EXOC4: variants seen among roughly 807,000 people sequenced by gnomAD.
EXOC4 encodes the protein SEC8-like 1.
In EXOC4, 71 loss-of-function variants were observed where a neutral mutation model predicts 107.2. The ratio of observed to expected loss-of-function variants is 0.66; its 90% confidence interval spans 0.55 to 0.81. The LOEUF (loss-of-function observed/expected upper bound fraction) is 0.81. EXOC4 is among the 30% of genes least tolerant of loss of function. The pLI, the probability that EXOC4 is intolerant of heterozygous loss-of-function variation, is 0.00. For missense variants in EXOC4, 1,108 were observed against 1,189.6 expected (o/e 0.93, Z 1.01); for synonymous variants, 456 against 441.2 (o/e 1.03, Z -0.42).
At chr7:133,313,146 T>G (rs1293306463) in intron 4 of EXOC4, among the ~76,000 whole-genome samples, 1 of 151,578 alleles carries the variant, frequency 6.6e-6, no homozygotes, top group Admixed American at 6.6e-5. Flanking sequence ...GTTCTTGTTT[T>G]TTTTTTTTTT....
At chr7:133,330,386 C>T (rs1011864212) in intron 5 of EXOC4, among the ~76,000 whole-genome samples, 1 of 151,960 alleles carries the variant, frequency 6.6e-6, no homozygotes, top group African/African-American at 2.4e-5. Context: ...ACCCACTGAG[C>T]CAGAACTTCG....
intron 10 of EXOC4, among the ~76,000 whole-genome samples, chr7:133,717,662 A>G (rs1426731297): frequency 6.6e-6 from 1 of 152,212 alleles, no homozygotes; most frequent in Non-Finnish European, 1.5e-5. Flanking sequence ...CATGTGAAGG[A>G]TAGAATATAC....
chr7:133,555,958 G>A (rs763832099), intron 9 of EXOC4, among the ~76,000 whole-genome samples: 12 of 152,110 alleles, frequency 7.9e-5, no homozygotes, highest in Admixed American at 1.3e-4. Context: ...TAGTTAAGTT[G>A]TTGCAGTGCA....
intron 11 of EXOC4, among the ~76,000 whole-genome samples, chr7:133,855,091 A>AT (rs1491371358): frequency 4.1e-4 from 35 of 84,838 alleles, no homozygotes; most frequent in African/African-American, 1.0e-3. Context: ...AAATATATAT[A>AT]AATATATATA....
At chr7:134,096,265 G>T in the EXOC4 span, among the ~76,000 whole-genome samples, 2 of 152,160 alleles carry the variant, frequency 1.3e-5, no homozygotes, top group Admixed American at 1.3e-4. Flanking sequence ...CATAGGAAGA[G>T]TAGCCCACAA....
chr7:134,076,855 A>G, the EXOC4 span, among the ~76,000 whole-genome samples: 1 of 152,082 alleles, frequency 6.6e-6, no homozygotes, highest in Non-Finnish European at 1.5e-5. Flanking sequence ...CAATGGTTGG[A>G]CGTAAAATTT....
chr7:133,698,214 G>T (rs985811131), intron 10 of EXOC4, among the ~76,000 whole-genome samples: 1 of 152,028 alleles, frequency 6.6e-6, no homozygotes, highest in Non-Finnish European at 1.5e-5. Flanking sequence ...GGCGGGGGTG[G>T]TGGTGGGGGA....
chr7:133,808,903 C>A (rs1354438422), intron 10 of EXOC4, among the ~76,000 whole-genome samples: 2 of 152,036 alleles, frequency 1.3e-5, no homozygotes, highest in African/African-American at 4.8e-5. Context: ...TGCTGTTTGC[C>A]ATCTTTGTAC....
intron 7 of EXOC4, among the ~76,000 whole-genome samples, chr7:133,392,545 A>G (rs1333910210): frequency 1.3e-5 from 2 of 152,136 alleles, no homozygotes; most frequent in Admixed American, 6.5e-5. Flanking sequence ...TTGGGAGTGA[A>G]TGATGGTTTT....
intron 14 of EXOC4, among the ~76,000 whole-genome samples, chr7:133,970,757 G>T (rs527595255): frequency 1.3e-5 from 2 of 152,028 alleles, no homozygotes. Context: ...CGTTGATCTC[G>T]CTGGGAGCTA....
At chr7:133,336,610 T>G (rs1301191218) in intron 5 of EXOC4, among the ~76,000 whole-genome samples, 1 of 152,048 alleles carries the variant, frequency 6.6e-6, no homozygotes, top group Non-Finnish European at 1.5e-5. Context: ...CAATTTCTGG[T>G]ATGTTTAAGG....
chr7:133,467,463 G>A (rs1323491374), intron 7 of EXOC4, among the ~76,000 whole-genome samples: 1 of 150,586 alleles, frequency 6.6e-6, no homozygotes, highest in Non-Finnish European at 1.5e-5. Context: ...CAATAATTTT[G>A]TATACTGTCA....
At chr7:133,490,314 G>C (rs982712100) in intron 9 of EXOC4, among the ~76,000 whole-genome samples, 15 of 152,166 alleles carry the variant, frequency 9.9e-5, no homozygotes, top group African/African-American at 3.6e-4. Flanking sequence ...TAATTCAGCA[G>C]GAACACAAGT....
At chr7:133,557,572 C>G (rs1349817836) in intron 9 of EXOC4, among the ~76,000 whole-genome samples, 2 of 152,160 alleles carry the variant, frequency 1.3e-5, no homozygotes, top group Non-Finnish European at 2.9e-5. Flanking sequence ...TAGGGCTTGT[C>G]AGCATGCTGG....
At chr7:134,024,999 G>A (rs1795107560) in intron 17 of EXOC4, among the ~76,000 whole-genome samples, 1 of 152,138 alleles carries the variant, frequency 6.6e-6, no homozygotes. Context: ...AGAGATTTTG[G>A]CCACAATCCC....
chr7:133,786,864 T>G (rs557266384), intron 10 of EXOC4, among the ~76,000 whole-genome samples: 47 of 152,326 alleles, frequency 3.1e-4, no homozygotes, highest in African/African-American at 1.1e-3. Flanking sequence ...ATTAGTCCAC[T>G]AATGTATGTT....
At chr7:133,558,203 TTTC>T (rs1234982284) in intron 9 of EXOC4, among the ~76,000 whole-genome samples, 2 of 127,414 alleles carry the variant, frequency 1.6e-5, no homozygotes, top group South Asian at 2.5e-4. Flanking sequence ...TTTCTTTTCT[TTTC>T]TTTTCTTTTC....
downstream of EXOC4, among the ~76,000 whole-genome samples, chr7:134,071,409 AGACTGGTG>A (rs1796271567): frequency 6.6e-6 from 1 of 152,266 alleles, no homozygotes. Context: ...AGAAGATGGC[AGACTGGTG>A]TCCTAAAGGA....
intron 9 of EXOC4, among the ~76,000 whole-genome samples, chr7:133,544,196 A>C (rs1448229040): frequency 2.6e-5 from 4 of 151,962 alleles, no homozygotes; most frequent in African/African-American, 9.7e-5. Flanking sequence ...TATATGTTCA[A>C]AGTAAATTTT....
Sources: allele counts gnomAD v4.1 joint callset (sites outside exome capture counted in the v4.1 genomes callset), GRCh38; gene constraint gnomAD v4.1.1; transcripts MANE v1.5; gene names NCBI Gene and HGNC (gene_info 2026-07-23, HGNC 2026-07-21).